Variants in ZNF346 observed in about 807,000 individuals in gnomAD.
ZNF346 encodes the protein zinc finger protein 346, also known as double-stranded RNA-binding zinc finger protein JAZ.
Under a neutral mutation model 33.7 loss-of-function variants are expected in ZNF346, and 23 were observed. The ratio of observed to expected loss-of-function variants is 0.68; its 90% CI spans 0.49 to 0.97. The LOEUF is 0.97. ZNF346 is among the 50% of genes least tolerant of loss of function. The pLI, the probability that ZNF346 is intolerant of heterozygous loss-of-function variation, is 0.00. For synonymous variants in ZNF346, 134 were observed against 142.4 expected, an observed-to-expected ratio of 0.94 and a Z score of 0.42; for missense variants, 340 against 371.1, an observed-to-expected ratio of 0.92 and a Z score of 0.69.
At chr5:177,026,296 T>C (rs1382871590) in intron 1 of ZNF346, among the ~76,000 whole-genome samples, 1 of 150,726 alleles carries the variant, frequency 6.6e-6, no homozygotes, top group East Asian at 2.0e-4. Flanking sequence ...TGAGCTACCA[T>C]GCCCAGCCCC....
chr5:177,080,317 C>T (rs1256048995), exon 9 of ZNF346: 2 of 152,228 alleles, frequency 1.3e-5, no homozygotes, highest in Non-Finnish European at 2.9e-5. Flanking sequence ...TTGGGTGGGT[C>T]CCAGGCCCAT....
intron 5 of ZNF346, among the ~76,000 whole-genome samples, chr5:177,051,311 A>C (rs1460500777): frequency 1.4e-5 from 2 of 145,772 alleles, no homozygotes; most frequent in Non-Finnish European, 3.0e-5. Flanking sequence ...AGTAGCTGGG[A>C]CTACAGGTGC....
rs1345795780 is a variant in ZNF346, at chr5:177,050,953, C to A, written c.703+17C>A. On this transcript the variant is annotated intron_variant, in intron 5 of 6. Coordinates refer to ENST00000358149, the MANE Select transcript of ZNF346 (RefSeq NM_012279.4). Reference sequence around the variant, plus strand: ...ACTTTCCAGGTGAGGGGGCCTAGCTCACACCCAGAGCTGGACCAGGGTTTG... The same window carrying A: ...ACTTTCCAGGTGAGGGGGCCTAGCTAACACCCAGAGCTGGACCAGGGTTTG... 2 of 1,605,182 alleles carry A rather than the reference C, an allele frequency of 1.2e-6. No individual in the cohort carries two copies. The highest frequency in any genetic ancestry group is 1.7e-6 in the Non-Finnish European group (2 of 1,172,166).
At chr5:177,038,189 A>G (rs999647077) in intron 1 of ZNF346, among the ~76,000 whole-genome samples, 3 of 151,302 alleles carry the variant, frequency 2.0e-5, no homozygotes, top group Admixed American at 2.0e-4. Flanking sequence ...TCTAGGCTCA[A>G]GGGATTCTCC....
intron 1 of ZNF346, among the ~76,000 whole-genome samples, chr5:177,028,197 C>T (rs1434694365): frequency 2.7e-4 from 40 of 149,774 alleles, no homozygotes; most frequent in Non-Finnish European, 7.4e-5. Context: ...TCACCATGCC[C>T]GGCTAACTTT....
chr5:177,060,765 G>A (rs530838311), intron 5 of ZNF346, among the ~76,000 whole-genome samples: 72 of 151,160 alleles, frequency 4.8e-4, no homozygotes, highest in African/African-American at 1.7e-3. Context: ...CAGAGATCAC[G>A]CCATTGCACT....
At chr5:177,038,678 A>G (rs989827857) in intron 1 of ZNF346, among the ~76,000 whole-genome samples, 1 of 151,738 alleles carries the variant, frequency 6.6e-6, no homozygotes, top group Non-Finnish European at 1.5e-5. Context: ...GCAGGTGCTT[A>G]CCTGCCCTTG....
intron 8 of ZNF346, among the ~76,000 whole-genome samples, chr5:177,079,028 T>C (rs1202332737): frequency 1.3e-5 from 2 of 151,918 alleles, no homozygotes; most frequent in Non-Finnish European, 2.9e-5. Flanking sequence ...CCCAGCACTT[T>C]GGGAGGCTGA....
chr5:177,044,126 C>T (rs1779729852), intron 3 of ZNF346, among the ~76,000 whole-genome samples: 1 of 151,814 alleles, frequency 6.6e-6, no homozygotes, highest in South Asian at 2.1e-4. Context: ...GCTAAGCAGA[C>T]ACGCTGCCAA....
downstream of ZNF346, among the ~76,000 whole-genome samples, chr5:177,069,410 G>A (rs1466323409): frequency 2.7e-5 from 4 of 148,758 alleles, no homozygotes; most frequent in South Asian, 2.1e-4. Flanking sequence ...CTGAGATCGC[G>A]CCACTGCACT....
intron 1 of ZNF346, among the ~76,000 whole-genome samples, chr5:177,024,036 C>G (rs1311229498): frequency 6.8e-6 from 1 of 147,392 alleles, no homozygotes; most frequent in Non-Finnish European, 1.5e-5. Context: ...AGACAGGGCC[C>G]CAGAAATGGT....
chr5:177,062,572 A>T (rs1184699762), intron 6 of ZNF346, among the ~76,000 whole-genome samples: 2 of 150,940 alleles, frequency 1.3e-5, no homozygotes, highest in African/African-American at 5.0e-5. Flanking sequence ...CTTCTGAATG[A>T]TGGCCAAGAC....
At chr5:177,075,258 C>A (rs1490661895) in intron 8 of ZNF346, among the ~76,000 whole-genome samples, 1 of 151,594 alleles carries the variant, frequency 6.6e-6, no homozygotes, top group African/African-American at 2.4e-5. Flanking sequence ...AAAAAACTAG[C>A]CGGGCATGGT....
chr5:177,030,907 T>C (rs971138966), intron 1 of ZNF346, among the ~76,000 whole-genome samples: 1 of 123,016 alleles, frequency 8.1e-6, no homozygotes, highest in Non-Finnish European at 1.7e-5. Flanking sequence ...CTTAGTGTAA[T>C]TTTTTTTTTT....
Position 177,064,804 on chromosome 5 carries a change from A to G in ZNF346, c.*205A>G. On this transcript the variant is annotated 3_prime_UTR_variant, in exon 7 of 7. Transcript: ENST00000358149. ...TGGCAGGGGTCCTGTAGGTCATGAC[A>G]GGGGAGGCAAGGGTATTGAGAGACT... is the stretch of plus-strand genomic sequence containing the variant. 2 of 575,760 alleles carry G rather than the reference A, an allele frequency of 3.5e-6. No individual in the cohort carries two copies. The highest frequency in any genetic ancestry group is 6.2e-6 in the Non-Finnish European group (2 of 322,640). The allele number at this position is 575,760 out of a possible 1,614,324, so 35.7% of individuals were successfully genotyped here.
At chr5:177,056,358 T>C (rs1027813061) in intron 5 of ZNF346, among the ~76,000 whole-genome samples, 1 of 152,202 alleles carries the variant, frequency 6.6e-6, no homozygotes, top group Admixed American at 6.5e-5. Context: ...TGGAAGACAG[T>C]GTGGCGATTC....
At chr5:177,035,343 C>T (rs959273077) in intron 1 of ZNF346, among the ~76,000 whole-genome samples, 6 of 152,306 alleles carry the variant, frequency 3.9e-5, no homozygotes, top group African/African-American at 1.2e-4. Context: ...AAAAGCACCT[C>T]ATTTTCCATA....
In ZNF346 at chr5:177,077,450, GCA is replaced by G. The variant is rs1783805999; in HGVS notation, c.*3-1930_*3-1929del. 6.6e-6 allele frequency among the ~76,000 whole-genome samples: 1 copy of G among 152,182 alleles called. No homozygotes were observed. Among genetic ancestry groups the G allele is most frequent in the Admixed American group, 6.5e-5 (1 of 15,268 alleles). On this transcript the variant is annotated intron_variant, in intron 8 of 8. Coordinates refer to the ZNF346 transcript ENST00000503039. This position sits in a 1 kb window ranked among gnomAD's most constrained non-coding sequence, Gnocchi z 5.0. ...GCTTCAGGCAAGGCTTGATCCGGGT[GCA>G]CTCCAGCTCTTGGCCCTCTTGTTTC...
Position 177,065,837 on chromosome 5 carries a change from T to C in ZNF346, c.*1238T>C, listed in dbSNP as rs1212375617. 1 of 149,884 alleles carries C rather than the reference T, an allele frequency of 6.7e-6. No individual in the cohort carries two copies. The highest frequency in any genetic ancestry group is 2.0e-4 in the East Asian group (1 of 5,088). 9.3% of individuals were successfully genotyped at this position (149,884 alleles called of 1,614,324 possible). A position where few individuals can be genotyped will look rare whatever the true frequency, so the allele number is the denominator to read the frequency against. ...TATCCCTTCACCTGTGAAATGCCTT[T>C]GCTTTGCATATTGTGTGTGGATGTG... On this transcript the variant is annotated 3_prime_UTR_variant, in exon 7 of 7. Transcript: ENST00000358149.
Sources: gnomAD v4.1 joint callset for allele counts (sites outside exome capture counted in the v4.1 genomes callset) on GRCh38, gnomAD v4.1.1 for gene constraint, Gnocchi (gnomAD v3.1) non-coding constraint, MANE v1.5 for transcripts, NCBI Gene and HGNC (gene_info 2026-07-23, HGNC 2026-07-21) for gene names.